The following CORO7 variants were observed in gnomAD, a reference collection of about 807,000 sequenced individuals.
CORO7 encodes coronin 7.
A neutral mutation model predicts 126.6 loss-of-function variants in CORO7; 107 were observed. The observed-to-expected ratio is 0.85, with a 90% confidence interval of 0.72 to 0.99. The LOEUF is 0.99. Ranked by LOEUF, CORO7 falls within the 50% of genes least tolerant of loss-of-function variation. The pLI is 0.00. For missense variants in CORO7, 1,314 were observed against 1,255.8 expected, an observed-to-expected ratio of 1.05 and a Z score of -0.70; for synonymous variants, 603 against 536.8, an observed-to-expected ratio of 1.12 and a Z score of -1.70.
intron 21 of CORO7, 134 bp downstream of exon 21, chr16:4,360,144 C>A: frequency 8.9e-7 from 1 of 1,121,568 alleles, no homozygotes; most frequent in Non-Finnish European, 1.3e-6. Flanking sequence ...CTCATCCAAT[C>A]ATCTACCCAC....
chr16:4,401,936 G>C (rs931861121), intron 6 of CORO7, among the ~76,000 whole-genome samples: 4 of 146,426 alleles, frequency 2.7e-5, no homozygotes, highest in African/African-American at 7.7e-5. Flanking sequence ...TGAGGTTTTA[G>C]TTTGTTTGTT....
At chr16:4,376,255 C>T (rs1249600631) in intron 9 of CORO7, among the ~76,000 whole-genome samples, 1 of 152,212 alleles carries the variant, frequency 6.6e-6, no homozygotes, top group Non-Finnish European at 1.5e-5. Context: ...CCCTGAGCCT[C>T]CTCGGACACG....
chr16:4,403,484 T>C (rs2055887689), intron 6 of CORO7, among the ~76,000 whole-genome samples: 2 of 152,050 alleles, frequency 1.3e-5, no homozygotes, highest in African/African-American at 4.8e-5. Context: ...GGGGGAGTCG[T>C]TCCACTAAGC....
chr16:4,370,189 T>C (rs1471209732), intron 9 of CORO7, among the ~76,000 whole-genome samples: 9 of 152,208 alleles, frequency 5.9e-5, no homozygotes, highest in Admixed American at 5.9e-4. Context: ...CTGTGGATGC[T>C]TCTGAGGGCT....
chr16:4,357,150 G>T lies in CORO7; in HGVS notation c.2685+18C>A. 1 of 1,613,474 alleles carries T rather than the reference G, an allele frequency of 6.2e-7. No individual in the cohort carries two copies. Among genetic ancestry groups the T allele is most frequent in the Non-Finnish European group, 8.5e-7 (1 of 1,179,910 alleles). On this transcript the variant is annotated intron_variant, in intron 26 of 27. Coordinates refer to ENST00000251166, the MANE Select transcript of CORO7 (RefSeq NM_024535.5). ...AGGACTCTGTCACCTCCGCACAGCTGCTCTCTCCCATGCCTACCTCCTCCT... is the reference window on the plus strand; with the variant it reads ...AGGACTCTGTCACCTCCGCACAGCTTCTCTCTCCCATGCCTACCTCCTCCT...
At chr16:4,388,367 G>A (rs1003658685) in intron 8 of CORO7, among the ~76,000 whole-genome samples, 178 bp downstream of exon 8, 2 of 152,214 alleles carry the variant, frequency 1.3e-5, no homozygotes, top group Admixed American at 6.5e-5. Flanking sequence ...GAATCTGCCA[G>A]TTTTCAGCAG....
At chr16:4,408,337 T>C (rs2056085946) in intron 3 of CORO7, 86 bp from the exon 4 acceptor site, 1 of 1,579,208 alleles carries the variant, frequency 6.3e-7, no homozygotes, top group African/African-American at 1.3e-5. Context: ...GAGGTGACAC[T>C]TTTGTGTGCA....
chr16:4,384,884 C>CAA (rs2055138025), intron 9 of CORO7, among the ~76,000 whole-genome samples: 1 of 152,170 alleles, frequency 6.6e-6, no homozygotes, highest in African/African-American at 2.4e-5. Context: ...CCTTTGTGGG[C>CAA]CTGAGGCTGC....
Position 4,355,767 on chromosome 16 carries a change from C to T in CORO7, c.2686-395G>A, listed in dbSNP as rs1052547615. ...TACAGGCGTGAGCCACAGCGCCCGG[C>T]CTTTTTGTTTGTTTGTTTGTTTTAG... On this transcript the variant is annotated intron_variant, in intron 26 of 27. Coordinates refer to ENST00000251166, the MANE Select transcript of CORO7 (RefSeq NM_024535.5). Among the ~76,000 whole-genome samples the T allele has an allele frequency of 2.6e-5, 4 of 151,862 alleles. No individual in the cohort carries two copies. The East Asian group carries it at 5.9e-4, about 22-fold the overall frequency.
chr16:4,372,568 G>A (rs2054574970), intron 9 of CORO7, among the ~76,000 whole-genome samples: 2 of 152,160 alleles, frequency 1.3e-5, no homozygotes, highest in Admixed American at 6.5e-5. Flanking sequence ...TTAGAGCTTC[G>A]GGTATCAGGC....
intron 3 of CORO7, among the ~76,000 whole-genome samples, chr16:4,410,178 A>T (rs1341036048): frequency 1.3e-5 from 2 of 152,140 alleles, no homozygotes; most frequent in Non-Finnish European, 2.9e-5. Flanking sequence ...TAATCTCAGC[A>T]CTTTGGGAGG....
chr16:4,355,532 G>C, intron 26 of CORO7, 160 bp from the exon 27 acceptor site: 2 of 732,606 alleles, frequency 2.7e-6, no homozygotes, highest in Admixed American at 2.8e-5. Flanking sequence ...GCAGTGGCGC[G>C]ATCTCGGCTC....
intron 7 of CORO7, among the ~76,000 whole-genome samples, chr16:4,393,533 C>A (rs1161486661): frequency 6.6e-6 from 1 of 152,204 alleles, no homozygotes; most frequent in Non-Finnish European, 1.5e-5. Flanking sequence ...ACCGTTTGGA[C>A]TAAAAAGCTG....
intron 9 of CORO7, chr16:4,383,424 C>T (rs1387306202): frequency 6.0e-6 from 1 of 167,244 alleles, no homozygotes; most frequent in Admixed American, 6.5e-5. Flanking sequence ...CCCATTTATT[C>T]TGGGAAGATG....
chr16:4,390,517 G>A (rs1053341206), intron 7 of CORO7, among the ~76,000 whole-genome samples: 3 of 152,206 alleles, frequency 2.0e-5, no homozygotes, highest in African/African-American at 7.2e-5. Flanking sequence ...GCCAGGTATG[G>A]GAACTGGCAT....
At chr16:4,403,655 G>A (rs1450468013) in intron 6 of CORO7, among the ~76,000 whole-genome samples, 1 of 152,132 alleles carries the variant, frequency 6.6e-6, no homozygotes, top group African/African-American at 2.4e-5. Flanking sequence ...GCAAGGAGAA[G>A]AGTGGCCAAG....
intron 9 of CORO7, among the ~76,000 whole-genome samples, chr16:4,370,878 TG>T (rs1333230184): frequency 6.6e-6 from 1 of 151,846 alleles, no homozygotes; most frequent in Non-Finnish European, 1.5e-5. Context: ...CTGGAGGGGG[TG>T]TGGGTGTCCC....
intron 9 of CORO7, among the ~76,000 whole-genome samples, chr16:4,385,158 G>T (rs999885953): frequency 3.3e-5 from 5 of 152,216 alleles, no homozygotes; most frequent in African/African-American, 9.6e-5. Context: ...ACGTGGGGGT[G>T]TGCGAGCCCC....
chr16:4,381,360 G>A, intron 9 of CORO7: 2 of 1,597,890 alleles, frequency 1.3e-6, no homozygotes, highest in Middle Eastern at 1.7e-4. Context: ...ACGAGCTGCG[G>A]GCACTGCCCC....
Sources: gnomAD v4.1 joint callset for allele counts (sites outside exome capture counted in the v4.1 genomes callset) on GRCh38, gnomAD v4.1.1 for gene constraint, MANE v1.5 for transcripts, NCBI Gene and HGNC (gene_info 2026-07-23, HGNC 2026-07-21) for gene names.